Variants in PARD3 observed in about 807,000 individuals in gnomAD.
The protein encoded by PARD3 is partitioning defective 3 homolog.
Under a neutral mutation model 155.4 loss-of-function variants are expected in PARD3, and 75 were observed. That is an observed-to-expected ratio of 0.48 (90% CI 0.40 to 0.58). The LOEUF is 0.58. PARD3 is among the 20% of genes least tolerant of loss of function. The pLI is 0.00. For missense variants in PARD3, 1,642 were observed against 1,721.7 expected (o/e 0.95, Z 0.82); for synonymous variants, 576 against 610.5 (o/e 0.94, Z 0.83).
chr10:34,110,904 A>C lies in PARD3; in HGVS notation c.*265T>G, dbSNP rs904439238. ...CATGAGTAGGGCCGAGATTCCTGGT[A>C]CTGTGGAGAGGCGCAGAGCATATGA... On this transcript the variant is annotated 3_prime_UTR_variant, in exon 25 of 25. Transcript: ENST00000374788. 2 of 310,374 alleles carry C rather than the reference A, an allele frequency of 6.4e-6. No homozygotes were observed. The highest frequency in any genetic ancestry group is 4.5e-5 in the Admixed American group (1 of 22,328). The allele number at this position is 310,374 out of a possible 1,614,324, so 19.2% of individuals were successfully genotyped here.
intron 1 of PARD3, among the ~76,000 whole-genome samples, chr10:34,776,603 T>C (rs1164032507): frequency 6.6e-6 from 1 of 151,352 alleles, no homozygotes; most frequent in Non-Finnish European, 1.5e-5. Context: ...TTTTAAGCTA[T>C]ATTTGGGGCC....
chr10:34,516,871 G>C lies in PARD3; in HGVS notation c.403+108C>G, dbSNP rs1368086112. On this transcript the variant is annotated intron_variant, in intron 3 of 24. Transcript: ENST00000374788. ...TGCCTGGGTCCTAAACTTAATTTTT[G>C]AATAAAACAGATAATTAATTCCATT... The C allele has an allele frequency of 4.5e-6, 5 of 1,111,732 alleles. No individual in the cohort carries two copies. The Admixed American group carries it at 7.2e-5, about 16-fold the overall frequency. 68.9% of individuals were successfully genotyped at this position (1,111,732 alleles called of 1,614,324 possible).
At chr10:34,245,887 C>A (rs925282621) in intron 22 of PARD3, among the ~76,000 whole-genome samples, 1 of 152,136 alleles carries the variant, frequency 6.6e-6, no homozygotes, top group African/African-American at 2.4e-5. Flanking sequence ...TGCCACAGAG[C>A]GGCACTACTA....
At chr10:34,244,950 CCTATGTATGAGACTGTTTT>C (rs1953847736) in intron 22 of PARD3, among the ~76,000 whole-genome samples, 1 of 152,098 alleles carries the variant, frequency 6.6e-6, no homozygotes, top group African/African-American at 2.4e-5. Context: ...ACCCCACAGC[CCTATGTATGAGACTGTTTT>C]CTAGCAGCAG....
At chr10:34,774,732 T>C (rs764616719) in intron 1 of PARD3, among the ~76,000 whole-genome samples, 10 of 152,186 alleles carry the variant, frequency 6.6e-5, no homozygotes, top group African/African-American at 9.7e-5. Context: ...CTTCTCACAA[T>C]TGGCTTGAAT....
At chr10:34,652,735 G>A (rs990097205) in intron 2 of PARD3, among the ~76,000 whole-genome samples, 1 of 152,212 alleles carries the variant, frequency 6.6e-6, no homozygotes, top group Non-Finnish European at 1.5e-5. Flanking sequence ...ATGAGGAAAA[G>A]ACAGGCATGC....
At chr10:34,763,497 C>T (rs547558819) in intron 1 of PARD3, among the ~76,000 whole-genome samples, 2 of 152,196 alleles carry the variant, frequency 1.3e-5, no homozygotes, top group East Asian at 3.9e-4. Flanking sequence ...TTGCAACTTC[C>T]TGCAAATCTG....
intron 24 of PARD3, among the ~76,000 whole-genome samples, chr10:34,116,868 C>T (rs1209964326): frequency 1.3e-5 from 2 of 152,120 alleles, no homozygotes; most frequent in African/African-American, 2.4e-5. Context: ...CCCTCCTCTG[C>T]GTGTAAATAT....
chr10:34,461,756 TA>T (rs2077668763), intron 4 of PARD3, among the ~76,000 whole-genome samples: 1 of 152,204 alleles, frequency 6.6e-6, no homozygotes, highest in African/African-American at 2.4e-5. Context: ...GACAATCAGG[TA>T]TAACATATTC....
At position 34,814,882 on chromosome 10, in the gene PARD3, G is replaced by A. The variant is rs1169628508; in HGVS notation, c.114C>T (p.Ile38=). The A allele has an allele frequency of 6.6e-7, 1 of 1,516,970 alleles. No homozygotes were observed. Among genetic ancestry groups the A allele is most frequent in the Admixed American group, 2.0e-5 (1 of 50,518 alleles). 94.0% of individuals were successfully genotyped at this position (1,516,970 alleles called of 1,614,324 possible). ...QQAVTRYRKA[I]AKDPNYWIQV... is the part of the protein sequence containing the mutation. ...CGCGCCCCCGGCCCCTCACCTTGGC[G>A]ATGGCCTTCCGGTAGCGGGTCACCG... Residue 38 remains isoleucine (I), a synonymous_variant, in exon 1 of 25, where the codon ATC becomes ATT. Transcript: ENST00000374788.
chr10:34,124,550 C>T (rs1006397025), intron 23 of PARD3, among the ~76,000 whole-genome samples: 13 of 152,022 alleles, frequency 8.6e-5, no homozygotes, highest in Non-Finnish European at 1.9e-4. Context: ...TTTTGTCTAC[C>T]CATCGTGCCT....
intron 2 of PARD3, among the ~76,000 whole-genome samples, chr10:34,612,427 T>TA (rs2090978143): frequency 2.0e-5 from 3 of 152,060 alleles, no homozygotes; most frequent in Admixed American, 2.0e-4. Flanking sequence ...AACGGAAGGT[T>TA]AAAAAACACT....
At chr10:34,471,404 A>G (rs1392379559) in intron 3 of PARD3, among the ~76,000 whole-genome samples, 1 of 152,258 alleles carries the variant, frequency 6.6e-6, no homozygotes, top group African/African-American at 2.4e-5. Context: ...AAGAGTCTGC[A>G]ATAGCTGCAA....
chr10:34,369,992 A>T (rs1840415188), intron 12 of PARD3, among the ~76,000 whole-genome samples: 1 of 152,212 alleles, frequency 6.6e-6, no homozygotes, highest in Non-Finnish European at 1.5e-5. Context: ...ATCCTTGGCC[A>T]TCAAAAGGTA....
intron 1 of PARD3, among the ~76,000 whole-genome samples, chr10:34,792,884 C>T (rs1424613056): frequency 6.6e-6 from 1 of 152,258 alleles, no homozygotes; most frequent in African/African-American, 2.4e-5. Flanking sequence ...TGTAATAACA[C>T]GGTCAAAATT....
chr10:34,287,765 A>C (rs1956469795), intron 20 of PARD3, among the ~76,000 whole-genome samples: 1 of 152,224 alleles, frequency 6.6e-6, no homozygotes, highest in African/African-American at 2.4e-5. Context: ...TTTAAAGAGT[A>C]GGTTCCTGAT....
At chr10:34,701,453 A>C (rs1270857581) in intron 1 of PARD3, among the ~76,000 whole-genome samples, 1 of 152,058 alleles carries the variant, frequency 6.6e-6, no homozygotes, top group African/African-American at 2.4e-5. Flanking sequence ...TGAGAAGCAG[A>C]TGGCCCAGAG....
chr10:34,356,791 G>T (rs1040067096), intron 14 of PARD3, among the ~76,000 whole-genome samples: 2 of 152,324 alleles, frequency 1.3e-5, no homozygotes, highest in African/African-American at 4.8e-5. Flanking sequence ...GAGATCTTCT[G>T]TCTTCATGTA....
At chr10:34,268,347 C>T (rs1955437350) in intron 22 of PARD3, among the ~76,000 whole-genome samples, 1 of 151,420 alleles carries the variant, frequency 6.6e-6, no homozygotes, top group South Asian at 2.1e-4. Context: ...TAAACTAGTT[C>T]AACCATTGTG....
Sources: allele counts gnomAD v4.1 joint callset (sites outside exome capture counted in the v4.1 genomes callset), GRCh38; gene constraint gnomAD v4.1.1; transcripts MANE v1.5; gene names NCBI Gene and HGNC (gene_info 2026-07-23, HGNC 2026-07-21).